ODF1: variants seen among roughly 807,000 people sequenced by gnomAD.
The protein encoded by ODF1 is outer dense fiber of sperm tails 1.
ODF1 carries 10 observed loss-of-function variants against 24.0 expected under a neutral mutation model. That is an observed-to-expected ratio of 0.42 (90% confidence interval 0.26 to 0.71). The LOEUF is 0.71. Ranked by LOEUF, ODF1 falls within the 30% of genes least tolerant of loss-of-function variation. The pLI is 0.28. For synonymous variants in ODF1, 118 were observed against 121.3 expected (o/e 0.97, Z 0.18); for missense variants, 282 against 307.9 (o/e 0.92, Z 0.63).
intron 1 of ODF1, among the ~76,000 whole-genome samples, chr8:102,552,821 AT>A (rs1370541584): frequency 2.0e-5 from 3 of 152,142 alleles, no homozygotes; most frequent in Admixed American, 2.0e-4. Flanking sequence ...GTTACTGTTG[AT>A]GAAAAAGATG....
Position 102,560,920 on chromosome 8 carries a change from G to A in ODF1, c.*36G>A. ...GGAACCCATTACTTAATAGAAGTCAGTTACTCCAGCCAGGCAGCTCTCCCA... is the reference window on the plus strand; with the variant it reads ...GGAACCCATTACTTAATAGAAGTCAATTACTCCAGCCAGGCAGCTCTCCCA... On this transcript the variant is annotated 3_prime_UTR_variant, in exon 2 of 2. Transcript: ENST00000285402. 1 of 1,551,052 alleles carries A rather than the reference G, an allele frequency of 6.4e-7. No individual in the cohort carries two copies. Among genetic ancestry groups the A allele is most frequent in the Admixed American group, 1.8e-5 (1 of 54,598 alleles).
At position 102,551,829 on chromosome 8, in the gene ODF1, G is replaced by A. The variant is rs760197119; in HGVS notation, c.102G>A (p.Arg34=). 79 of 1,614,020 alleles carry A rather than the reference G, an allele frequency of 4.9e-5. No individual in the cohort carries two copies. The highest frequency in any genetic ancestry group is 1.2e-4 in the African/African-American group (9 of 74,916). The change falls in exon 1 of 2, where the codon CGG becomes CGA. Residue 34 remains arginine, a synonymous_variant. Transcript: ENST00000285402. ...QLRCIDEFST[R]CLCDLYMHPY... is the part of the protein sequence containing the mutation. ...GATGCATCGACGAATTTAGCACACG[G>A]TGCCTGTGCGACTTGTATATGCACC...
intron 1 of ODF1, among the ~76,000 whole-genome samples, chr8:102,553,847 T>G (rs576514556): frequency 1.3e-5 from 2 of 152,338 alleles, no homozygotes; most frequent in Admixed American, 1.3e-4. Context: ...TTTCTCTGGT[T>G]TGTGATGCTC....
In ODF1 at chr8:102,560,898, A is replaced by C; in HGVS notation, c.*14A>C. The C allele has an allele frequency of 6.3e-7, 1 of 1,586,604 alleles. No individual in the cohort carries two copies. Among genetic ancestry groups the C allele is most frequent in the Non-Finnish European group, 8.6e-7 (1 of 1,164,886 alleles). On this transcript the variant is annotated 3_prime_UTR_variant, in exon 2 of 2. Transcript: ENST00000285402. ...ATGATTTTGTAAAGTGCGCATAGGA[A>C]CCCATTACTTAATAGAAGTCAGTTA...
At chr8:102,552,294 A>C (rs1168172589) in intron 1 of ODF1, among the ~76,000 whole-genome samples, 1 of 152,156 alleles carries the variant, frequency 6.6e-6, no homozygotes, top group Non-Finnish European at 1.5e-5. Flanking sequence ...CAAGAATGCC[A>C]GTATGATAAA....
chr8:102,553,287 G>A (rs1826070437), intron 1 of ODF1, among the ~76,000 whole-genome samples: 1 of 148,874 alleles, frequency 6.7e-6, no homozygotes, highest in African/African-American at 2.5e-5. Context: ...TGAGGCAGGA[G>A]AATCACTTGA....
At position 102,558,910 on chromosome 8, in the gene ODF1, A is replaced by T. The variant is rs554492219; in HGVS notation, c.321-1542A>T. On this transcript the variant is annotated intron_variant, in intron 1 of 1. Coordinates refer to ENST00000285402, the MANE Select transcript of ODF1 (RefSeq NM_024410.4). ...TACAATGAACTTGTATAACTTATGT[A>T]ACAAAAAGAAGTAACTGCATAAACA... 4.4e-4 allele frequency among the ~76,000 whole-genome samples: 66 copies of T among 151,684 alleles called. No individual in the cohort carries two copies. The South Asian group carries it at 0.011, about 26-fold the overall frequency.
chr8:102,552,082 T>C (rs1024959427), intron 1 of ODF1, 35 bp downstream of exon 1: 23 of 1,463,260 alleles, frequency 1.6e-5, no homozygotes, highest in Middle Eastern at 1.8e-4. Flanking sequence ...TTATAGTCGG[T>C]ATATTAGCCT....
At chr8:102,552,323 G>T (rs528722835) in intron 1 of ODF1, among the ~76,000 whole-genome samples, 4 of 152,096 alleles carry the variant, frequency 2.6e-5, no homozygotes, top group African/African-American at 9.6e-5. Flanking sequence ...CTTTAATGAA[G>T]GGAAGAAACA....
At position 102,560,685 on chromosome 8, in the gene ODF1, A is replaced by T. The variant is rs1826168090; in HGVS notation, c.554A>T (p.Asp185Val). Reference protein sequence around the residue: ...FSLPPCVDEKDVTYSYGLGSC... With the variant: ...FSLPPCVDEKVVTYSYGLGSC... ...TTGCCGCCCTGTGTGGATGAGAAGG[A>T]TGTAACATACTCCTATGGGCTCGGC... Residue 185 changes from aspartate to valine, a missense_variant, in exon 2 of 2, where the codon GAT becomes GTT. Asp to Val is a radical substitution (Grantham distance 152, BLOSUM62 -3). Transcript: ENST00000285402. 6.2e-7 allele frequency: 1 copy of T among 1,613,924 alleles called. No individual in the cohort carries two copies.
rs1409374111 is a variant in ODF1 at position 102,560,752 on chromosome 8, TCCTTGCAGCCCC to T, written c.622_633del (p.Pro208_Pro211del). 2 of 1,611,398 alleles carry T rather than the reference TCCTTGCAGCCCC, an allele frequency of 1.2e-6. No individual in the cohort carries two copies. Among genetic ancestry groups the T allele is most frequent in the East Asian group, 2.2e-5 (1 of 44,784 alleles). On this transcript the variant is annotated inframe_deletion, in exon 2 of 2. Transcript: ENST00000285402. ...AGTCTCCTTGCTACCCTTGCACTTC[TCCTTGCAGCCCC>T]TGCAGCCCCTGCAGCCCCTGCAACC...
At position 102,560,832 on chromosome 8, in the gene ODF1, A is replaced by G; in HGVS notation, c.701A>G (p.Asn234Ser). ...CNPCSPYDPC[N>S]PCYPCGSRFS... ...CCGTGCAGCCCATATGATCCTTGCAACCCGTGTTATCCCTGTGGAAGCCGA... is the reference window on the plus strand; with the variant it reads ...CCGTGCAGCCCATATGATCCTTGCAGCCCGTGTTATCCCTGTGGAAGCCGA... Residue 234 changes from asparagine to serine, a missense_variant, in exon 2 of 2, where the codon AAC (asparagine) becomes AGC (serine). Asn to Ser is a conservative substitution (Grantham distance 46). Transcript: ENST00000285402. The G allele has an allele frequency of 6.2e-7, 1 of 1,613,344 alleles. No homozygotes were observed. Among genetic ancestry groups the G allele is most frequent in the Non-Finnish European group, 8.5e-7 (1 of 1,179,770 alleles).
chr8:102,553,635 A>G (rs550774777), intron 1 of ODF1, among the ~76,000 whole-genome samples: 1 of 152,168 alleles, frequency 6.6e-6, no homozygotes, highest in Non-Finnish European at 1.5e-5. Flanking sequence ...ACTTTTGGAT[A>G]CTTGAATACC....
At chr8:102,559,898 A>G (rs1826156519) in intron 1 of ODF1, among the ~76,000 whole-genome samples, 1 of 151,210 alleles carries the variant, frequency 6.6e-6, no homozygotes, top group South Asian at 2.1e-4. Context: ...GTTATATCCC[A>G]TTTTTTAATC....
chr8:102,555,205 G>A (rs1422421027), intron 1 of ODF1, among the ~76,000 whole-genome samples: 4 of 152,148 alleles, frequency 2.6e-5, no homozygotes, highest in Non-Finnish European at 5.9e-5. Flanking sequence ...CGGAAGCCAT[G>A]CCACCAGCCT....
At chr8:102,556,528 A>G (rs990453032) in intron 1 of ODF1, among the ~76,000 whole-genome samples, 1 of 150,030 alleles carries the variant, frequency 6.7e-6, no homozygotes, top group Non-Finnish European at 1.5e-5. Flanking sequence ...GCTCACTGCA[A>G]CTTCTGCCTC....
chr8:102,558,746 A>G (rs899311980), intron 1 of ODF1, among the ~76,000 whole-genome samples: 2 of 134,376 alleles, frequency 1.5e-5, no homozygotes, highest in Non-Finnish European at 3.1e-5. Context: ...ATATAGAACT[A>G]CACACACACA....
At position 102,560,830 on chromosome 8, in the gene ODF1, C is replaced by G. The variant is rs749654648; in HGVS notation, c.699C>G (p.Cys233Trp). 2.0e-5 allele frequency: 33 copies of G among 1,613,572 alleles called. No individual in the cohort carries two copies. In the African/African-American group the frequency reaches 3.7e-4, roughly 18 times the overall value. Residue 233 changes from cysteine to tryptophan, a missense_variant, in exon 2 of 2, where the codon TGC (cysteine) becomes TGG (tryptophan). By Grantham distance (215) the Cys-to-Trp change is radical (BLOSUM62 -2). Transcript: ENST00000285402. ...PCNPCSPYDP[C>W]NPCYPCGSRF... ...ACCCGTGCAGCCCATATGATCCTTG[C>G]AACCCGTGTTATCCCTGTGGAAGCC... is the stretch of plus-strand genomic sequence containing the variant.
At chr8:102,552,085 A>G in intron 1 of ODF1, 38 bp downstream of exon 1, 3 of 1,457,434 alleles carry the variant, frequency 2.1e-6, no homozygotes, top group Non-Finnish European at 2.8e-6. Flanking sequence ...TAGTCGGTAT[A>G]TTAGCCTTAT....
Sources: gnomAD v4.1 joint callset for allele counts (sites outside exome capture counted in the v4.1 genomes callset) on GRCh38, gnomAD v4.1.1 for gene constraint, MANE v1.5 for transcripts, NCBI Gene and HGNC (gene_info 2026-07-23, HGNC 2026-07-21) for gene names.